Variants in ALDH1L1 observed in about 807,000 individuals in gnomAD.
ALDH1L1 encodes aldehyde dehydrogenase 1 family member L1.
ALDH1L1 carries 68 observed loss-of-function variants against 101.1 expected under a neutral mutation model. That is an observed-to-expected ratio of 0.67 (90% CI 0.55 to 0.82). The LOEUF is 0.82. ALDH1L1 is among the 40% of genes least tolerant of loss of function. ALDH1L1 has a pLI of 0.00. For synonymous variants in ALDH1L1, 486 were observed against 470.8 expected, an observed-to-expected ratio of 1.03 and a Z score of -0.42; for missense variants, 1,087 against 1,172.7, an observed-to-expected ratio of 0.93 and a Z score of 1.07.
At chr3:126,181,124 G>A, upstream of ALDH1L1, 1 of 909,370 alleles carries the variant, frequency 1.1e-6, no homozygotes, top group Non-Finnish European at 1.7e-6. Context: ...AACAGCCCCT[G>A]GTTTTCTCTC....
intron 17 of ALDH1L1, among the ~76,000 whole-genome samples, chr3:126,115,670 G>A (rs1229170493): frequency 2.0e-5 from 3 of 151,980 alleles, no homozygotes; most frequent in Non-Finnish European, 4.4e-5. Flanking sequence ...CACCTCCCGG[G>A]TTCAAGCGAT....
Position 126,118,112 on chromosome 3 carries a change from G to T in ALDH1L1, c.1889-14C>A, listed in dbSNP as rs768620795. 2 of 1,605,884 alleles carry T rather than the reference G, an allele frequency of 1.2e-6. No individual in the cohort carries two copies. Among genetic ancestry groups the T allele is most frequent in the East Asian group, 2.2e-5 (1 of 44,812 alleles). On this transcript the variant is annotated splice_polypyrimidine_tract_variant and intron_variant, in intron 16 of 22. Coordinates refer to ENST00000393434, the MANE Select transcript of ALDH1L1 (RefSeq NM_012190.4). ...CGACCAGGGAGCCTGTGGGCGGGAG[G>T]GAGGGGGGAATCAGAGTGGTCCCCC...
At chr3:126,130,416 AG>A in intron 13 of ALDH1L1, 123 bp from the exon 14 acceptor site, 1 of 774,924 alleles carries the variant, frequency 1.3e-6, no homozygotes. Context: ...GTGTGACCTG[AG>A]GCTTGAGAGA....
At chr3:126,110,848 T>G (rs554218337) in intron 19 of ALDH1L1, among the ~76,000 whole-genome samples, 2 of 152,320 alleles carry the variant, frequency 1.3e-5, no homozygotes, top group South Asian at 4.1e-4. Context: ...CTTTGTATCT[T>G]GGATACAAAG....
rs1327032651 is a variant in ALDH1L1, at chr3:126,131,453, G to A, written c.1554C>T (p.Ala518=). 6 of 1,613,452 alleles carry A rather than the reference G, an allele frequency of 3.7e-6. No individual in the cohort carries two copies. The highest frequency in any genetic ancestry group is 5.1e-6 in the Non-Finnish European group (6 of 1,179,544). The change falls in exon 13 of 23, where the codon GCC becomes GCT. Residue 518 remains alanine, a synonymous_variant. Coordinates refer to ENST00000393434, the MANE Select transcript of ALDH1L1 (RefSeq NM_012190.4). ...ALDAGAVYTL[A]LKTHVGMSIQ... is the part of the protein sequence containing the mutation. ...TGGACATGCCCACGTGGGTCTTCAG[G>A]GCCAGCGTGTAGACGGCACCCGCAT...
chr3:126,157,481 C>G lies in ALDH1L1; in HGVS notation c.390G>C (p.Gly130=), dbSNP rs1422039074. The G allele has an allele frequency of 1.2e-6, 2 of 1,613,910 alleles. No individual in the cohort carries two copies. The highest frequency in any genetic ancestry group is 1.7e-5 in the Admixed American group (1 of 59,994). ...CATCCGCCCAGAAGATGGAAAACCCCCCTTTCTTATCTCCGTGAATGAGGG... is the reference window on the plus strand; with the variant it reads ...CATCCGCCCAGAAGATGGAAAACCCGCCTTTCTTATCTCCGTGAATGAGGG... The part of the protein sequence containing the change: ...NWTLIHGDKK[G]GFSIFWADDG... Residue 130 remains glycine, a synonymous_variant, in exon 4 of 23, where the codon GGG becomes GGC. Transcript: ENST00000393434.
chr3:126,151,644 G>A (rs1216286663), intron 7 of ALDH1L1: 1 of 152,236 alleles, frequency 6.6e-6, no homozygotes, highest in Non-Finnish European at 1.5e-5. Flanking sequence ...TGTGCGTTAA[G>A]AGTGGCTGTG....
chr3:126,140,410 AGT>A (rs1268870824), intron 9 of ALDH1L1, among the ~76,000 whole-genome samples: 4 of 152,178 alleles, frequency 2.6e-5, no homozygotes, highest in Admixed American at 2.6e-4. Context: ...TGCTGAAAAG[AGT>A]CTTTCAGGCT....
chr3:126,122,642 T>C (rs1335410286), intron 16 of ALDH1L1, among the ~76,000 whole-genome samples: 1 of 152,168 alleles, frequency 6.6e-6, no homozygotes, highest in African/African-American at 2.4e-5. Flanking sequence ...TATATAGATG[T>C]TATATGTGTA....
chr3:126,156,619 G>C (rs1032386880), intron 4 of ALDH1L1: 5 of 152,358 alleles, frequency 3.3e-5, no homozygotes, highest in African/African-American at 4.8e-5. Context: ...TGTGGGCTCC[G>C]GCCCATAGCC....
chr3:126,155,276 T>C (rs1014100951), intron 5 of ALDH1L1, 126 bp downstream of exon 5: 5 of 779,194 alleles, frequency 6.4e-6, no homozygotes, highest in Non-Finnish European at 9.8e-6. Context: ...TGGGCTGCCC[T>C]GTGTTCTGGC....
intron 9 of ALDH1L1, among the ~76,000 whole-genome samples, chr3:126,142,867 T>C (rs1307201628): frequency 6.6e-6 from 1 of 152,176 alleles, no homozygotes; most frequent in Non-Finnish European, 1.5e-5. Flanking sequence ...GTTGGGGTTG[T>C]TCCAAGGCTC....
At chr3:126,136,041 C>A (rs573102648) in intron 11 of ALDH1L1, among the ~76,000 whole-genome samples, 1 of 152,210 alleles carries the variant, frequency 6.6e-6, no homozygotes, top group African/African-American at 2.4e-5. Flanking sequence ...GACAGCCATG[C>A]CCCTTCTGCC....
chr3:126,158,719 G>C, intron 2 of ALDH1L1, 80 bp from the exon 3 acceptor site: 1 of 1,378,042 alleles, frequency 7.3e-7, no homozygotes, highest in South Asian at 1.3e-5. Context: ...CAGCAGAGCA[G>C]CTCATAGGAC....
At chr3:126,154,804 G>A (rs1576466524) in intron 5 of ALDH1L1, among the ~76,000 whole-genome samples, 161 bp from the exon 6 acceptor site, 2 of 152,276 alleles carry the variant, frequency 1.3e-5, no homozygotes, top group Middle Eastern at 3.4e-3. Flanking sequence ...CTAGTTCTGG[G>A]TGCTCTCTGA....
rs368450679 is a variant in ALDH1L1 at position 126,144,616 on chromosome 3, C to T, written c.1076+2219G>A. 2.9e-3 allele frequency among the ~76,000 whole-genome samples: 442 copies of T among 152,310 alleles called. 1 individual carries two copies. Among genetic ancestry groups the T allele is most frequent in the African/African-American group, 9.6e-3 (401 of 41,564 alleles). On this transcript the variant is annotated intron_variant, in intron 9 of 22. Coordinates refer to ENST00000393434, the MANE Select transcript of ALDH1L1 (RefSeq NM_012190.4). ...CATAATGGGGAAGCGATAGTCCCTT[C>T]AACAAGTGATGTTGGAAAGATTGGA...
Position 126,109,967 on chromosome 3 carries a change from C to T in ALDH1L1, c.2324G>A (p.Gly775Asp). The change falls in exon 20 of 23, where the codon GGC (glycine) becomes GAC (aspartate). Residue 775 changes from glycine (G) to aspartate (D), a missense_variant. Around this residue, in one of 2 missense-constraint regions of ALDH1L1, gnomAD observed 442 missense variants for 535.7 expected, o/e 0.83. Coordinates refer to ENST00000393434, the MANE Select transcript of ALDH1L1 (RefSeq NM_012190.4). ...GVKEGATLVC[G>D]GNQVPRPGFF... ...ACCTGGCCGAGGGACCTGATTCCCG[C>T]CGCAGACCAGTGTGGCCCCTTCCTT... 1 of 1,614,112 alleles carries T rather than the reference C, an allele frequency of 6.2e-7. No homozygotes were observed. The highest frequency in any genetic ancestry group is 1.7e-5 in the Admixed American group (1 of 60,030).
At chr3:126,143,763 C>A (rs1217541726) in intron 9 of ALDH1L1, among the ~76,000 whole-genome samples, 1 of 151,992 alleles carries the variant, frequency 6.6e-6, no homozygotes, top group African/African-American at 2.4e-5. Context: ...GGCAACATAG[C>A]AAGACTTTGT....
rs1358972945 is a variant in ALDH1L1, at chr3:126,112,876, AT to A, written c.2086del (p.Met696Ter). The A allele has an allele frequency of 6.2e-7, 1 of 1,613,124 alleles. No individual in the cohort carries two copies. The highest frequency in any genetic ancestry group is 1.7e-5 in the Admixed American group (1 of 60,028). ...CDLNKAVQMG[M>X]SSVFFNKGEN... ...TCCTTTGTTGAAGAAAACAGAACTCATCCCCTTCAGAGAATGGACAAGAACA... is the reference window on the plus strand; with the variant it reads ...TCCTTTGTTGAAGAAAACAGAACTCACCCCTTCAGAGAATGGACAAGAACA... On this transcript the variant is annotated frameshift_variant, in exon 19 of 23. Transcript: ENST00000393434. LOFTEE classifies it high-confidence loss of function.
Sources: allele counts gnomAD v4.1 joint callset (sites outside exome capture counted in the v4.1 genomes callset), GRCh38; gene constraint gnomAD v4.1.1; regional missense constraint gnomAD v4.1.1; transcripts MANE v1.5; gene names NCBI Gene and HGNC (gene_info 2026-07-23, HGNC 2026-07-21).